The following SEMA6D variants were observed in gnomAD, a reference collection of about 807,000 sequenced individuals.
The protein encoded by SEMA6D is semaphorin-6D.
In SEMA6D, 35 loss-of-function variants were observed where a neutral mutation model predicts 106.6. The ratio of observed to expected loss-of-function variants is 0.33; its 90% confidence interval spans 0.25 to 0.44. The LOEUF is 0.44. SEMA6D is among the 20% of genes least tolerant of loss of function. The probability of loss-of-function intolerance (pLI) is 1.00; values close to 1 mark genes in which losing one functional copy is unlikely to be tolerated. For missense variants in SEMA6D, 1,185 were observed against 1,345.9 expected, an observed-to-expected ratio of 0.88 and a Z score of 1.87; for synonymous variants, 499 against 487.7, an observed-to-expected ratio of 1.02 and a Z score of -0.31.
chr15:47,196,359 C>T (rs1894358825), intron 1 of SEMA6D, among the ~76,000 whole-genome samples: 1 of 152,162 alleles, frequency 6.6e-6, no homozygotes, highest in Non-Finnish European at 1.5e-5. Context: ...TTCTGAGCCA[C>T]TGTCTGATAG....
At chr15:47,461,731 T>G (rs547080019) in intron 2 of SEMA6D, among the ~76,000 whole-genome samples, 1 of 152,070 alleles carries the variant, frequency 6.6e-6, no homozygotes, top group Admixed American at 6.6e-5. Context: ...CATATGTTAA[T>G]TTATTTAAGA....
At chr15:47,447,537 C>T (rs1235130450) in intron 2 of SEMA6D, among the ~76,000 whole-genome samples, 1 of 152,158 alleles carries the variant, frequency 6.6e-6, no homozygotes, top group Non-Finnish European at 1.5e-5. Flanking sequence ...GGGGGTGGCA[C>T]ACCCCAACTC....
intron 9 of SEMA6D, 133 bp downstream of exon 9, chr15:47,763,237 A>G: frequency 1.7e-6 from 1 of 578,908 alleles, no homozygotes; most frequent in South Asian, 2.6e-5. Flanking sequence ...AACTGCAGAG[A>G]GGTGGGTTGC....
intron 3 of SEMA6D, among the ~76,000 whole-genome samples, chr15:47,479,060 A>G (rs1489342775): frequency 1.3e-5 from 2 of 152,154 alleles, no homozygotes; most frequent in African/African-American, 2.4e-5. Flanking sequence ...TATGGGAGCT[A>G]CAATTCAAGA....
intron 3 of SEMA6D, among the ~76,000 whole-genome samples, chr15:47,592,839 T>C (rs2076464021): frequency 6.6e-6 from 1 of 152,212 alleles, no homozygotes; most frequent in Non-Finnish European, 1.5e-5. Flanking sequence ...ATTGCTTTGC[T>C]CATTATGAAA....
chr15:47,709,531 T>A (rs1265323238), intron 4 of SEMA6D, among the ~76,000 whole-genome samples: 2 of 152,224 alleles, frequency 1.3e-5, no homozygotes, highest in African/African-American at 2.4e-5. Flanking sequence ...CTGCTATTAA[T>A]AATAAATGGT....
intron 7 of SEMA6D, 64 bp downstream of exon 7, chr15:47,761,815 A>ATGGAAGAG: frequency 7.4e-7 from 1 of 1,345,784 alleles, no homozygotes; most frequent in Admixed American, 2.0e-5. Flanking sequence ...AAGGAATTTA[A>ATGGAAGAG]TGGAAGAGTA....
At chr15:47,722,604 A>G (rs1276103428) in intron 1 of SEMA6D, among the ~76,000 whole-genome samples, 1 of 152,162 alleles carries the variant, frequency 6.6e-6, no homozygotes, top group Non-Finnish European at 1.5e-5. Context: ...TTAAACTTTC[A>G]TAATTAGGAA....
intron 1 of SEMA6D, among the ~76,000 whole-genome samples, chr15:47,374,282 G>A (rs1298254018): frequency 6.6e-6 from 1 of 152,152 alleles, no homozygotes; most frequent in African/African-American, 2.4e-5. Flanking sequence ...TCCCATTGGA[G>A]TTGCAGGGGG....
intron 2 of SEMA6D, among the ~76,000 whole-genome samples, chr15:47,425,688 T>A (rs76031196): frequency 2.0e-5 from 3 of 151,360 alleles, no homozygotes; most frequent in Non-Finnish European, 2.9e-5. Context: ...TTTTTTTTTT[T>A]GAGACAGAGT....
At chr15:47,743,695 C>T (rs1249988688) in intron 1 of SEMA6D, among the ~76,000 whole-genome samples, 2 of 152,092 alleles carry the variant, frequency 1.3e-5, no homozygotes, top group African/African-American at 4.8e-5. Context: ...AAGAGCATTC[C>T]AGGTAGTGAT....
At chr15:47,232,534 T>C in intron 1 of SEMA6D, among the ~76,000 whole-genome samples, 1 of 151,532 alleles carries the variant, frequency 6.6e-6, no homozygotes. Flanking sequence ...AGGGTGTGTG[T>C]GTGTGTGTGT....
In SEMA6D at chr15:47,763,044, T is replaced by C; in HGVS notation, c.687T>C (p.Tyr229=). ...KEPHFLHAIE[Y]GNYVYFFFRE... ...CACACTTTCTTCATGCCATAGAATA[T>C]GGAAACTATGTCTATTTCTTCTTTC... Residue 229 remains tyrosine, a synonymous_variant, in exon 9 of 19, where the codon TAT becomes TAC. Coordinates refer to ENST00000536845, the MANE Select transcript of SEMA6D (RefSeq NM_001358351.3). The C allele has an allele frequency of 6.2e-6, 10 of 1,612,272 alleles. No individual in the cohort carries two copies. Among genetic ancestry groups the C allele is most frequent in the South Asian group, 1.1e-5 (1 of 90,758 alleles).
At chr15:47,731,762 T>C (rs1043715993) in intron 1 of SEMA6D, among the ~76,000 whole-genome samples, 1 of 152,216 alleles carries the variant, frequency 6.6e-6, no homozygotes, top group African/African-American at 2.4e-5. Flanking sequence ...ATTCAAAATA[T>C]ATGATAAATG....
chr15:47,536,288 A>G (rs1035703), intron 3 of SEMA6D, among the ~76,000 whole-genome samples: 64,276 of 152,000 alleles, frequency 0.42, 14,225 homozygotes, highest in African/African-American at 0.56. Flanking sequence ...TTTGTCGTGG[A>G]TTTGAGGAGT....
Position 47,771,571 on chromosome 15 carries a change from C to T in SEMA6D, c.3008C>T (p.Thr1003Ile), listed in dbSNP as rs754851215. 1 of 1,614,102 alleles carries T rather than the reference C, an allele frequency of 6.2e-7. No individual in the cohort carries two copies. Among genetic ancestry groups the T allele is most frequent in the South Asian group, 1.1e-5 (1 of 91,084 alleles). The stretch of plus-strand genomic sequence containing the variant: ...ATGAACCGTGGAGGATATATGCCCA[C>T]CCCCACTGGGGCGAAGGTGGACTAT... ...PSMNRGGYMP[T>I]PTGAKVDYIQ... Residue 1003 changes from threonine (T) to isoleucine (I), a missense_variant, in exon 19 of 19, where the codon ACC (threonine) becomes ATC (isoleucine). By Grantham distance (89) the Thr-to-Ile change is moderately conservative. Coordinates refer to ENST00000536845, the MANE Select transcript of SEMA6D (RefSeq NM_001358351.3).
chr15:47,251,690 T>C (rs935244588), intron 1 of SEMA6D, among the ~76,000 whole-genome samples: 1 of 152,178 alleles, frequency 6.6e-6, no homozygotes, highest in Non-Finnish European at 1.5e-5. Flanking sequence ...CAACTGTACC[T>C]ATAAAATATA....
intron 1 of SEMA6D, among the ~76,000 whole-genome samples, chr15:47,310,438 T>A (rs2036405030): frequency 6.6e-6 from 1 of 152,194 alleles, no homozygotes; most frequent in South Asian, 2.1e-4. Flanking sequence ...AGTCATTACT[T>A]ATTTGCAATG....
At chr15:47,677,061 T>A (rs553546915) in intron 4 of SEMA6D, among the ~76,000 whole-genome samples, 1 of 152,150 alleles carries the variant, frequency 6.6e-6, no homozygotes, top group Non-Finnish European at 1.5e-5. Context: ...CCTCTAAGAA[T>A]CTAATGCTGC....
Sources: gnomAD v4.1 joint callset for allele counts (sites outside exome capture counted in the v4.1 genomes callset) on GRCh38, gnomAD v4.1.1 for gene constraint, MANE v1.5 for transcripts, NCBI Gene and HGNC (gene_info 2026-07-23, HGNC 2026-07-21) for gene names.